RPL31: variants seen among roughly 807,000 people sequenced by gnomAD.
RPL31 encodes ribosomal protein L31.
For synonymous variants in RPL31, 51 were observed against 55.0 expected, an observed-to-expected ratio of 0.93 and a Z score of 0.32; for missense variants, 95 against 164.0, an observed-to-expected ratio of 0.58 and a Z score of 2.30.
chr2:101,006,809 C>T lies in RPL31; in HGVS notation c.*428C>T, dbSNP rs1167983168. 1.3e-5 allele frequency: 2 copies of T among 158,820 alleles called. No individual in the cohort carries two copies. Among genetic ancestry groups the T allele is most frequent in the African/African-American group, 4.8e-5 (2 of 41,650 alleles). 9.8% of individuals were successfully genotyped at this position (158,820 alleles called of 1,614,324 possible). On this transcript the variant is annotated 3_prime_UTR_variant, in exon 5 of 5. Transcript: ENST00000264258. ...ATGTGGCAGTAGGTCTTTTAAGCTT[C>T]TGCCTACATCCATATTGAGTATAGT...
In RPL31 at chr2:101,006,568, C is replaced by T. The variant is rs1263264830; in HGVS notation, c.*187C>T. The T allele has an allele frequency of 5.5e-6, 3 of 546,168 alleles. No homozygotes were observed. The highest frequency in any genetic ancestry group is 5.9e-5 in the South Asian group (2 of 33,882). 33.8% of individuals were successfully genotyped at this position (546,168 alleles called of 1,614,324 possible). A position where few individuals can be genotyped will look rare whatever the true frequency, so the allele number is the denominator to read the frequency against. ...GTTTTAAAGTGATTTCAAACTGCAACCTAGTTTTAGAACCACTGTTCTGGG... is the reference window on the plus strand; with the variant it reads ...GTTTTAAAGTGATTTCAAACTGCAATCTAGTTTTAGAACCACTGTTCTGGG... On this transcript the variant is annotated 3_prime_UTR_variant, in exon 5 of 5. Transcript: ENST00000264258.
At chr2:101,011,447 G>A (rs200654518), downstream of RPL31, 69 of 1,613,808 alleles carry the variant, frequency 4.3e-5, no homozygotes, top group Non-Finnish European at 4.7e-5. Context: ...AAAGAGGTAC[G>A]TGCCATTGGG....
intron 2 of RPL31, among the ~76,000 whole-genome samples, chr2:101,003,866 C>T (rs1250245935): frequency 6.6e-6 from 1 of 152,118 alleles, no homozygotes; most frequent in Non-Finnish European, 1.5e-5. Context: ...TCTTCTTGTC[C>T]TAAGTGTTAT....
chr2:101,004,411 G>A (rs1323524834), intron 3 of RPL31, 128 bp downstream of exon 3: 2 of 937,042 alleles, frequency 2.1e-6, no homozygotes, highest in Non-Finnish European at 3.2e-6. Flanking sequence ...AAAAAATACT[G>A]TGACCGTGAC....
chr2:101,003,272 G>T (rs566010868), intron 2 of RPL31, among the ~76,000 whole-genome samples: 1 of 151,704 alleles, frequency 6.6e-6, no homozygotes, highest in South Asian at 2.1e-4. Context: ...TAAATGCTTC[G>T]TTGCCTTCAG....
At chr2:101,007,931 G>T (rs1185776343), downstream of RPL31, 5 of 1,613,882 alleles carry the variant, frequency 3.1e-6, no homozygotes, top group Non-Finnish European at 4.2e-6. Context: ...ATGTCCAGTG[G>T]CTTTTCAAAA....
downstream of RPL31, chr2:101,007,413 T>G (rs754373292): frequency 1.4e-4 from 26 of 190,822 alleles, no homozygotes; most frequent in Non-Finnish European, 2.4e-4. Flanking sequence ...GTGGACTCCC[T>G]TAGATCTTGA....
chr2:101,008,310 A>G, downstream of RPL31: 3 of 1,463,740 alleles, frequency 2.0e-6, no homozygotes, highest in Non-Finnish European at 2.7e-6. Context: ...CAGCAGAACC[A>G]GGGTGGAAGT....
chr2:101,002,574 A>T (rs1678581337), intron 1 of RPL31, 128 bp from the exon 2 acceptor site: 2 of 751,598 alleles, frequency 2.7e-6, no homozygotes, highest in African/African-American at 3.5e-5. Flanking sequence ...CCACTGGGTG[A>T]CCGACTTAGC....
At chr2:101,018,516 T>C (rs1679822141) in intron 4 of RPL31, among the ~76,000 whole-genome samples, 1 of 152,248 alleles carries the variant, frequency 6.6e-6, no homozygotes, top group Non-Finnish European at 1.5e-5. Context: ...CTTCTATTCC[T>C]TCACAGAAAG....
exon 5 of RPL31, chr2:101,019,331 T>C (rs1051870379): frequency 1.8e-5 from 5 of 271,156 alleles, no homozygotes; most frequent in African/African-American, 1.1e-4. Flanking sequence ...TTGAAAACTT[T>C]CATTTCGTAA....
At chr2:101,011,676 G>C, downstream of RPL31, 2 of 759,580 alleles carry the variant, frequency 2.6e-6, no homozygotes, top group Non-Finnish European at 4.4e-6. Context: ...CAGGGTCCAC[G>C]AACCCAAATG....
chr2:101,007,617 A>C (rs528902382), downstream of RPL31: 87 of 578,042 alleles, frequency 1.5e-4, no homozygotes, highest in East Asian at 2.3e-3. Context: ...GAACCAATGG[A>C]TACCTTAGGG....
exon 5 of RPL31, chr2:101,019,266 T>A: frequency 2.3e-6 from 1 of 429,322 alleles, no homozygotes; most frequent in South Asian, 6.3e-5. Flanking sequence ...AAGAGAATTC[T>A]TTAGGCACAC....
downstream of RPL31, chr2:101,011,651 G>A (rs1273996789): frequency 7.1e-6 from 8 of 1,129,330 alleles, no homozygotes; most frequent in Middle Eastern, 1.9e-4. Context: ...CCCAGCCTGT[G>A]GACTGTAGTT....
chr2:101,011,410 G>T (rs1376271313), downstream of RPL31: 1 of 1,586,486 alleles, frequency 6.3e-7, no homozygotes, highest in East Asian at 2.2e-5. Flanking sequence ...CGCCACTGCA[G>T]TGGTATGCAG....
chr2:101,009,540 G>GA (rs779909753), downstream of RPL31, among the ~76,000 whole-genome samples: 164 of 150,312 alleles, frequency 1.1e-3, no homozygotes, highest in Non-Finnish European at 1.8e-3. Context: ...ATCATCTATA[G>GA]AAAAAAAAAG....
intron 2 of RPL31, 102 bp downstream of exon 2, chr2:101,002,910 C>A: frequency 1.2e-6 from 1 of 841,826 alleles, no homozygotes; most frequent in Non-Finnish European, 2.0e-6. Context: ...CTCTTGTGGC[C>A]TTCCCTGTTT....
intron 4 of RPL31, among the ~76,000 whole-genome samples, chr2:101,013,275 A>G (rs2278725): frequency 0.19 from 28,650 of 152,220 alleles, 2,907 homozygotes; most frequent in Middle Eastern, 0.32. Context: ...TCCACGATCT[A>G]TTGATGATCA....
Sources: allele counts gnomAD v4.1 joint callset (sites outside exome capture counted in the v4.1 genomes callset), GRCh38; gene constraint gnomAD v4.1.1; transcripts MANE v1.5; gene names NCBI Gene and HGNC (gene_info 2026-07-23, HGNC 2026-07-21).